The following LRP1B variants were observed in gnomAD, a reference collection of about 807,000 sequenced individuals.
LRP1B encodes the protein LDL receptor related protein 1B.
LRP1B carries 217 observed loss-of-function variants against 556.6 expected under a neutral mutation model. The ratio of observed to expected loss-of-function variants is 0.39; its 90% confidence interval spans 0.35 to 0.44. The LOEUF (loss-of-function observed/expected upper bound fraction) is 0.44. LRP1B is among the 20% of genes least tolerant of loss of function. The pLI, the probability that LRP1B is intolerant of heterozygous loss-of-function variation, is 1.00. For synonymous variants in LRP1B, 2,047 were observed against 1,865.8 expected (o/e 1.10, Z -2.50); for missense variants, 5,053 against 5,620.8 (o/e 0.90, Z 3.23).
chr2:140,596,244 AC>A (rs1250592091), intron 43 of LRP1B, among the ~76,000 whole-genome samples: 2 of 152,140 alleles, frequency 1.3e-5, no homozygotes, highest in Non-Finnish European at 2.9e-5. Flanking sequence ...AGCTTTGATG[AC>A]CCCAGCTTCA....
chr2:141,445,644 A>G (rs886301053), intron 3 of LRP1B, among the ~76,000 whole-genome samples: 1 of 152,140 alleles, frequency 6.6e-6, no homozygotes, highest in Non-Finnish European at 1.5e-5. Context: ...ATTGGTTTCA[A>G]ATAACTTATT....
chr2:140,897,818 C>A (rs190823537), intron 23 of LRP1B, among the ~76,000 whole-genome samples: 2 of 152,262 alleles, frequency 1.3e-5, no homozygotes, highest in East Asian at 3.9e-4. Context: ...AGACTGAAGG[C>A]TGCGCTATCG....
At chr2:140,715,597 A>T (rs75629385) in intron 37 of LRP1B, among the ~76,000 whole-genome samples, 1 of 152,132 alleles carries the variant, frequency 6.6e-6, no homozygotes, top group Non-Finnish European at 1.5e-5. Flanking sequence ...CCACAGACAC[A>T]TGAATGAATA....
At chr2:140,546,733 C>T (rs1367093039) in intron 43 of LRP1B, among the ~76,000 whole-genome samples, 1 of 152,086 alleles carries the variant, frequency 6.6e-6, no homozygotes, top group Non-Finnish European at 1.5e-5. Context: ...TATCACTTGC[C>T]TTGTGCTGAT....
intron 7 of LRP1B, among the ~76,000 whole-genome samples, chr2:141,128,542 T>A (rs886992326): frequency 3.3e-5 from 5 of 152,200 alleles, no homozygotes; most frequent in Non-Finnish European, 5.9e-5. Flanking sequence ...CCAAGTTTCT[T>A]CCAGCAGCTC....
intron 1 of LRP1B, among the ~76,000 whole-genome samples, chr2:141,908,241 G>T (rs1026850422): frequency 6.6e-6 from 1 of 151,944 alleles, no homozygotes; most frequent in African/African-American, 2.4e-5. Context: ...CTGCCTTCTC[G>T]TGTTCTTAAA....
chr2:141,729,749 C>T (rs1312183864), intron 2 of LRP1B, among the ~76,000 whole-genome samples: 1 of 152,146 alleles, frequency 6.6e-6, no homozygotes, highest in South Asian at 2.1e-4. Context: ...GCTCTTTGAA[C>T]ATATTTTATT....
At chr2:140,741,139 T>C (rs1445634648) in intron 35 of LRP1B, among the ~76,000 whole-genome samples, 1 of 152,184 alleles carries the variant, frequency 6.6e-6, no homozygotes, top group Non-Finnish European at 1.5e-5. Flanking sequence ...ATGACCACCA[T>C]TCTTTAAAGC....
intron 86 of LRP1B, among the ~76,000 whole-genome samples, chr2:140,258,109 C>T (rs1467950540): frequency 6.6e-6 from 1 of 152,142 alleles, no homozygotes; most frequent in Admixed American, 6.6e-5. Flanking sequence ...CGTGTTGCAA[C>T]AAAGGCTTCT....
chr2:141,950,729 A>C (rs1361839781), intron 1 of LRP1B, among the ~76,000 whole-genome samples: 1 of 152,064 alleles, frequency 6.6e-6, no homozygotes, highest in African/African-American at 2.4e-5. Flanking sequence ...TCTTTTCATC[A>C]TCTTTTTTGA....
intron 43 of LRP1B, among the ~76,000 whole-genome samples, chr2:140,553,294 C>G (rs1208679606): frequency 1.3e-5 from 2 of 151,872 alleles, no homozygotes; most frequent in Admixed American, 6.6e-5. Flanking sequence ...TTATATTTAA[C>G]TTACCTGAGG....
At chr2:141,672,541 A>G (rs1204151180) in intron 2 of LRP1B, among the ~76,000 whole-genome samples, 1 of 152,214 alleles carries the variant, frequency 6.6e-6, no homozygotes, top group Non-Finnish European at 1.5e-5. Context: ...TTTGGGTGTC[A>G]TGAAAAGTTT....
rs147152136 is a variant in LRP1B at position 141,401,418 on chromosome 2, CCTCT to C, written c.343+78974_343+78977del. Reference sequence around the variant, plus strand: ...AATTTTTTAAATACATCACTAACTGCCTCTCTTTTACTGGGTTTCTTATAATACT... The same window carrying C: ...AATTTTTTAAATACATCACTAACTGCCTTTTACTGGGTTTCTTATAATACT... On this transcript the variant is annotated intron_variant, in intron 3 of 90. Coordinates refer to ENST00000389484, the MANE Select transcript of LRP1B (RefSeq NM_018557.3). Among the ~76,000 whole-genome samples the C allele has an allele frequency of 8.7e-3, 1,321 of 152,226 alleles. 6 individuals are homozygous for C. Among genetic ancestry groups the C allele is most frequent in the Middle Eastern group, 0.017 (5 of 292 alleles).
At chr2:142,021,439 T>C (rs188584043) in intron 1 of LRP1B, among the ~76,000 whole-genome samples, 2 of 152,128 alleles carry the variant, frequency 1.3e-5, no homozygotes, top group Non-Finnish European at 1.5e-5. Flanking sequence ...AGCACAAAAG[T>C]ACTAGAAGGT....
chr2:140,327,421 T>G (rs1018103632), intron 79 of LRP1B, among the ~76,000 whole-genome samples: 1 of 152,126 alleles, frequency 6.6e-6, no homozygotes, highest in African/African-American at 2.4e-5. Context: ...CAAGTGGTCA[T>G]TGTTTTACTG....
rs373336223 is a variant in LRP1B at position 140,868,226 on chromosome 2, G to T, written c.4207C>A (p.Arg1403Ser). The change falls in exon 26 of 91, where the codon CGC (arginine) becomes AGC (serine). Residue 1403 changes from arginine to serine, a missense_variant. Coordinates refer to ENST00000389484, the MANE Select transcript of LRP1B (RefSeq NM_018557.3). Reference protein sequence around the residue: ...FWTDWDANFPRIESASMSGAG... With the variant: ...FWTDWDANFPSIESASMSGAG... ...CCACTCATAGAGGCAGATTCAATGC[G>T]AGGAAAATTTGCATCCCAGTCTGTC... The T allele has an allele frequency of 6.3e-7, 1 of 1,585,294 alleles. No homozygotes were observed. Among genetic ancestry groups the T allele is most frequent in the Non-Finnish European group, 8.6e-7 (1 of 1,169,390 alleles).
At chr2:141,560,375 C>T (rs939691659) in intron 2 of LRP1B, among the ~76,000 whole-genome samples, 6 of 151,650 alleles carry the variant, frequency 4.0e-5, no homozygotes, top group African/African-American at 9.7e-5. Flanking sequence ...ATAGCTAAAC[C>T]GCTGGATTGC....
intron 1 of LRP1B, among the ~76,000 whole-genome samples, chr2:142,090,014 G>T (rs1706101541): frequency 6.6e-6 from 1 of 151,956 alleles, no homozygotes; most frequent in African/African-American, 2.4e-5. Context: ...CAGAAAAAAA[G>T]TAAAGTGTCA....
chr2:140,244,869 C>T (rs1338337974), intron 87 of LRP1B, among the ~76,000 whole-genome samples: 4 of 151,218 alleles, frequency 2.6e-5, no homozygotes, highest in South Asian at 2.1e-4. Flanking sequence ...ATTGGGCAGA[C>T]GACTTCTGCT....
Sources: gnomAD v4.1 joint callset for allele counts (sites outside exome capture counted in the v4.1 genomes callset) on GRCh38, gnomAD v4.1.1 for gene constraint, MANE v1.5 for transcripts, NCBI Gene and HGNC (gene_info 2026-07-23, HGNC 2026-07-21) for gene names.